The following SIDT2 variants were observed in gnomAD, a reference collection of about 807,000 sequenced individuals.
SIDT2 encodes the protein SID1 transmembrane family member 2, also known as SID1 transmembrane family, member 2.
SIDT2 carries 68 observed loss-of-function variants against 114.4 expected under a neutral mutation model. The observed-to-expected ratio is 0.59, with a 90% CI of 0.49 to 0.73. SIDT2 has a LOEUF of 0.73. SIDT2 is among the 30% of genes least tolerant of loss of function. The pLI is 0.00. For synonymous variants in SIDT2, 470 were observed against 438.4 expected (o/e 1.07, Z -0.90); for missense variants, 918 against 1,097.1 (o/e 0.84, Z 2.31).
chr11:117,179,670 ATCTT>A, intron 1 of SIDT2: 1 of 523,266 alleles, frequency 1.9e-6, no homozygotes, highest in South Asian at 2.7e-5. Context: ...GCTCATTCCC[ATCTT>A]CTCTTCCGCC....
chr11:117,190,182 C>T lies in SIDT2; in HGVS notation c.1510C>T (p.Leu504Phe). ...LGNLSAFNNI[L>F]SNLGYILLGL... ...CCCTTCTAGCGCCTTCAACAACATCCTCAGCAACCTGGGGTACATCCTGCT... is the reference window on the plus strand; with the variant it reads ...CCCTTCTAGCGCCTTCAACAACATCTTCAGCAACCTGGGGTACATCCTGCT... Residue 504 changes from leucine (L) to phenylalanine (F), a missense_variant, in exon 17 of 26, where the codon CTC becomes TTC. Transcript: ENST00000324225. The surrounding 1 kb of genome is among the most constrained non-coding windows in gnomAD (Gnocchi z 4.1). The T allele has an allele frequency of 1.3e-6, 2 of 1,579,060 alleles. No homozygotes were observed. The highest frequency in any genetic ancestry group is 1.2e-5 in the South Asian group (1 of 85,466).
chr11:117,186,749 T>A, intron 10 of SIDT2, 113 bp downstream of exon 10: 1 of 978,800 alleles, frequency 1.0e-6, no homozygotes, highest in South Asian at 1.6e-5. Flanking sequence ...TTTCTGGATG[T>A]TCAGATGGGG....
At chr11:117,194,302 G>C (rs1430757196) in intron 24 of SIDT2, among the ~76,000 whole-genome samples, 2 of 152,126 alleles carry the variant, frequency 1.3e-5, no homozygotes, top group African/African-American at 2.4e-5. Flanking sequence ...GATAGGCCAT[G>C]TCTCTAAAAA....
chr11:117,183,638 CAA>C (rs749792001), intron 6 of SIDT2, 139 bp from the exon 7 acceptor site: 1,268 of 518,042 alleles, frequency 2.4e-3, no homozygotes, highest in Admixed American at 2.8e-3. Flanking sequence ...AACTCCGTCT[CAA>C]AAAAAAAAAA....
In SIDT2 at chr11:117,195,862, G is replaced by C. The variant is rs770642883; in HGVS notation, c.2383G>C (p.Asp795His). Residue 795 changes from aspartate to histidine, a missense_variant, in exon 25 of 26, where the codon GAC becomes CAC. Physicochemically the swap from Asp to His is moderately conservative, Grantham distance 81. Coordinates refer to ENST00000324225, the MANE Select transcript of SIDT2 (RefSeq NM_001040455.2). The part of the protein sequence containing the change: ...RDCILLDFFD[D>H]HDIWHFLSSI... The stretch of plus-strand genomic sequence containing the variant: ...CTGCATCCTCCTCGACTTCTTTGAC[G>C]ACCACGACATCTGGCACTTCCTCTC... The C allele has an allele frequency of 5.6e-6, 9 of 1,614,046 alleles. No individual in the cohort carries two copies. In the Admixed American group the frequency reaches 8.3e-5, roughly 15 times the overall value.
chr11:117,193,999 A>C, intron 24 of SIDT2, 36 bp downstream of exon 24: 1 of 1,515,930 alleles, frequency 6.6e-7, no homozygotes, highest in Non-Finnish European at 9.2e-7. Flanking sequence ...GTGAGCCAAC[A>C]AGTGGCCAGT....
intron 8 of SIDT2, among the ~76,000 whole-genome samples, chr11:117,185,333 C>A (rs902831445): frequency 1.3e-5 from 2 of 150,360 alleles, no homozygotes; most frequent in Non-Finnish European, 3.0e-5. Flanking sequence ...CAGGCGTGAG[C>A]CACCGCGCCC....
In SIDT2 at chr11:117,192,294, C is replaced by T; in HGVS notation, c.1913C>T (p.Ser638Phe). ...AACACGGCGTTCTGGATCGTCTTCT[C>T]CATCATTCACATCATCGCCACCCTG... ...KGNTAFWIVF[S>F]IIHIIATLLL... Residue 638 changes from serine to phenylalanine, a missense_variant, in exon 20 of 26, where the codon TCC becomes TTC. Coordinates refer to ENST00000324225, the MANE Select transcript of SIDT2 (RefSeq NM_001040455.2). The surrounding 1 kb of genome is among the most constrained non-coding windows in gnomAD (Gnocchi z 5.9). The T allele has an allele frequency of 6.2e-6, 10 of 1,612,916 alleles. No individual in the cohort carries two copies. The highest frequency in any genetic ancestry group is 8.5e-6 in the Non-Finnish European group (10 of 1,178,956).
At chr11:117,186,756 G>C in intron 10 of SIDT2, 120 bp downstream of exon 10, 1 of 979,604 alleles carries the variant, frequency 1.0e-6, no homozygotes, top group Non-Finnish European at 1.5e-6. Context: ...ATGTTCAGAT[G>C]GGGGTAACAC....
In SIDT2 at chr11:117,178,992, A is replaced by T; in HGVS notation, c.-272A>T. 2.1e-6 allele frequency: 1 copy of T among 486,918 alleles called. No individual in the cohort carries two copies. Among genetic ancestry groups the T allele is most frequent in the Non-Finnish European group, 3.7e-6 (1 of 270,790 alleles). The allele number at this position is 486,918 out of a possible 1,614,324, so 30.2% of individuals were successfully genotyped here. On this transcript the variant is annotated 5_prime_UTR_variant, in exon 1 of 26. Coordinates refer to ENST00000324225, the MANE Select transcript of SIDT2 (RefSeq NM_001040455.2). The stretch of plus-strand genomic sequence containing the variant: ...CCGGGGCTCCAGGGTCTCAGGTCGT[A>T]CTCAGCCCCTCGCGAGCTGGGACCC...
In SIDT2 at chr11:117,191,867, C is replaced by G. The variant is rs1309048954; in HGVS notation, c.1736-11C>G. ...CATTTCTGCAGCTCCCTTCCGTGTC[C>G]CTCATCCTAGACACATCGTTCATGT... On this transcript the variant is annotated splice_polypyrimidine_tract_variant and intron_variant, in intron 18 of 25. Coordinates refer to ENST00000324225, the MANE Select transcript of SIDT2 (RefSeq NM_001040455.2). The G allele has an allele frequency of 6.2e-7, 1 of 1,613,326 alleles. No individual in the cohort carries two copies. The highest frequency in any genetic ancestry group is 1.7e-5 in the Admixed American group (1 of 59,946).
In SIDT2 at chr11:117,192,262, C is replaced by A; in HGVS notation, c.1881C>A (p.Gly627=). ...TGGTGGCCTCCCGACAGGTCTTTGGCAAAGGGAACACGGCGTTCTGGATCG... is the reference window on the plus strand; with the variant it reads ...TGGTGGCCTCCCGACAGGTCTTTGGAAAAGGGAACACGGCGTTCTGGATCG... ...IFFSVLGVVF[G]KGNTAFWIVF... The change falls in exon 20 of 26, where the codon GGC becomes GGA. Residue 627 remains glycine, a synonymous_variant. Transcript: ENST00000324225. This position sits in a 1 kb window ranked among gnomAD's most constrained non-coding sequence, Gnocchi z 5.9. 6.2e-7 allele frequency: 1 copy of A among 1,607,772 alleles called. No homozygotes were observed. Among genetic ancestry groups the A allele is most frequent in the South Asian group, 1.1e-5 (1 of 90,946 alleles).
At position 117,190,242 on chromosome 11, in the gene SIDT2, G is replaced by A; in HGVS notation, c.1570G>A (p.Glu524Lys). 6.4e-7 allele frequency: 1 copy of A among 1,574,290 alleles called. No individual in the cohort carries two copies. Among genetic ancestry groups the A allele is most frequent in the Non-Finnish European group, 8.6e-7 (1 of 1,161,018 alleles). ...TTTCCTGCTCATCATCCTGCAACGGGAGATCAACCACAACCGGGCCCTGCT... is the reference window on the plus strand; with the variant it reads ...TTTCCTGCTCATCATCCTGCAACGGAAGATCAACCACAACCGGGCCCTGCT... ...LLFLLIILQREINHNRALLRN... is the reference protein window; with the variant it reads ...LLFLLIILQRKINHNRALLRN... The change falls in exon 17 of 26, where the codon GAG (glutamate) becomes AAG (lysine). Residue 524 changes from glutamate to lysine, a missense_variant. Coordinates refer to ENST00000324225, the MANE Select transcript of SIDT2 (RefSeq NM_001040455.2). The surrounding 1 kb of genome is among the most constrained non-coding windows in gnomAD (Gnocchi z 4.1).
intron 11 of SIDT2, 38 bp downstream of exon 11, chr11:117,187,487 T>G: frequency 6.2e-7 from 1 of 1,606,224 alleles, no homozygotes; most frequent in Non-Finnish European, 8.5e-7. Flanking sequence ...GCTGGGGACA[T>G]GACCTTGTCT....
chr11:117,190,828 G>C lies in SIDT2; in HGVS notation c.1735+88G>C, dbSNP rs538179152. 9 of 1,040,636 alleles carry C rather than the reference G, an allele frequency of 8.6e-6. No homozygotes were observed. The highest frequency in any genetic ancestry group is 6.3e-5 in the African/African-American group (4 of 63,962). The allele number at this position is 1,040,636 out of a possible 1,614,324, so 64.5% of individuals were successfully genotyped here. A position where few individuals can be genotyped will look rare whatever the true frequency, so the allele number is the denominator to read the frequency against. On this transcript the variant is annotated intron_variant, in intron 18 of 25. Coordinates refer to ENST00000324225, the MANE Select transcript of SIDT2 (RefSeq NM_001040455.2). The surrounding 1 kb of genome is among the most constrained non-coding windows in gnomAD (Gnocchi z 4.1). ...TATCCCCAAGTCACCCACAGGGATC[G>C]CTAAGACACCCCTGTAGGAAACTCC...
chr11:117,191,926 A>G lies in SIDT2; in HGVS notation c.1784A>G (p.Tyr595Cys), dbSNP rs2030716460. ...MIAGLCMLKL[Y>C]QKRHPDINAS... ...GCCGGACTCTGCATGCTGAAGCTCT[A>G]CCAGAAGCGGCACCCGGACATCAAC... is the stretch of plus-strand genomic sequence containing the variant. Residue 595 changes from tyrosine (Y) to cysteine (C), a missense_variant, in exon 19 of 26, where the codon TAC (tyrosine) becomes TGC (cysteine). Physicochemically the swap from Tyr to Cys is radical, Grantham distance 194. Around this residue, in one of 4 missense-constraint regions of SIDT2, gnomAD observed 275 missense variants for 397.6 expected, o/e 0.69. Transcript: ENST00000324225. The G allele has an allele frequency of 1.2e-6, 2 of 1,613,848 alleles. No homozygotes were observed. The highest frequency in any genetic ancestry group is 2.2e-5 in the South Asian group (2 of 91,072).
At chr11:117,185,386 AT>A (rs1223917480) in intron 8 of SIDT2, among the ~76,000 whole-genome samples, 2 of 152,172 alleles carry the variant, frequency 1.3e-5, no homozygotes, top group East Asian at 3.9e-4. Context: ...TTCAGCAAAT[AT>A]TTATGGAGCA....
chr11:117,186,113 C>T lies in SIDT2; in HGVS notation c.869-17C>T, dbSNP rs576298919. 4.3e-6 allele frequency: 7 copies of T among 1,612,610 alleles called. No individual in the cohort carries two copies. The highest frequency in any genetic ancestry group is 4.0e-5 in the African/African-American group (3 of 74,972). On this transcript the variant is annotated splice_polypyrimidine_tract_variant and intron_variant, in intron 8 of 25. Transcript: ENST00000324225. ...GGAAGGTTTTGACCTGTCCACCTTC[C>T]TGTTTCCTCCTTGAAGCTGAGGCAT...
In SIDT2 at chr11:117,187,611, C is replaced by A. The variant is rs1224104889; in HGVS notation, c.1088-17C>A. On this transcript the variant is annotated splice_polypyrimidine_tract_variant and intron_variant, in intron 11 of 25. Coordinates refer to ENST00000324225, the MANE Select transcript of SIDT2 (RefSeq NM_001040455.2). ...GCGGCCTCTCCTTCCTGCCTCACCA[C>A]TGATCGTTCCCCACAGAGAATGTTT... 2 of 1,613,934 alleles carry A rather than the reference C, an allele frequency of 1.2e-6. No homozygotes were observed. Among genetic ancestry groups the A allele is most frequent in the East Asian group, 2.2e-5 (1 of 44,888 alleles).
Sources: allele counts gnomAD v4.1 joint callset (sites outside exome capture counted in the v4.1 genomes callset), GRCh38; gene constraint gnomAD v4.1.1; regional missense constraint gnomAD v4.1.1; non-coding constraint Gnocchi (gnomAD v3.1); transcripts MANE v1.5; gene names NCBI Gene and HGNC (gene_info 2026-07-23, HGNC 2026-07-21).